The following TDRD7 variants were observed in gnomAD, a reference collection of about 807,000 sequenced individuals.
The protein encoded by TDRD7 is tudor domain containing 7, also known as tudor domain-containing protein 7.
A neutral mutation model predicts 109.8 loss-of-function variants in TDRD7; 47 were observed. The observed-to-expected ratio is 0.43, with a 90% confidence interval of 0.34 to 0.55. The LOEUF is 0.55. TDRD7 is among the 20% of genes least tolerant of loss of function. TDRD7 has a pLI of 0.03. For synonymous variants in TDRD7, 424 were observed against 457.3 expected (o/e 0.93, Z 0.93); for missense variants, 1,164 against 1,319.2 (o/e 0.88, Z 1.82).
chr9:97,492,716 T>G (rs1437223852), intron 16 of TDRD7, among the ~76,000 whole-genome samples: 1 of 152,220 alleles, frequency 6.6e-6, no homozygotes, highest in Non-Finnish European at 1.5e-5. Context: ...TTTTCTAGGC[T>G]CACCTCTGCC....
chr9:97,488,560 G>GTTTTTTTTTTTTTTTTTTTTTTTT (rs61689126), intron 16 of TDRD7, among the ~76,000 whole-genome samples: 5 of 140,576 alleles, frequency 3.6e-5, no homozygotes, highest in Non-Finnish European at 3.1e-5. Flanking sequence ...AGATTTAATG[G>GTTTTTTTTTTTTTTTTTTTTTTTT]TTTTTTTTTT....
intron 9 of TDRD7, 44 bp from the exon 10 acceptor site, chr9:97,472,249 A>G (rs773945141): frequency 1.9e-5 from 30 of 1,544,114 alleles, no homozygotes; most frequent in Non-Finnish European, 2.4e-5. Context: ...TCTTGAAATG[A>G]TTTTTCTAAT....
At chr9:97,430,531 G>A (rs1031002877) in intron 2 of TDRD7, among the ~76,000 whole-genome samples, 3 of 152,136 alleles carry the variant, frequency 2.0e-5, no homozygotes, top group African/African-American at 7.2e-5. Flanking sequence ...CATGTGACTT[G>A]GAAGGTTGCT....
At chr9:97,495,615 G>C (rs1354277045) in intron 16 of TDRD7, 48 bp from the exon 17 acceptor site, 1 of 1,533,154 alleles carries the variant, frequency 6.5e-7, no homozygotes, top group African/African-American at 1.4e-5. Flanking sequence ...TCAAAGAAAA[G>C]CTCCTTTGAC....
At chr9:97,460,977 TA>T (rs1828710854) in intron 7 of TDRD7, among the ~76,000 whole-genome samples, 1 of 152,046 alleles carries the variant, frequency 6.6e-6, no homozygotes, top group East Asian at 1.9e-4. Flanking sequence ...CCGTCTCTAC[TA>T]AAAATACAAA....
intron 1 of TDRD7, among the ~76,000 whole-genome samples, chr9:97,418,370 A>T (rs1356962406): frequency 3.3e-5 from 5 of 152,134 alleles, no homozygotes; most frequent in Non-Finnish European, 5.9e-5. Flanking sequence ...GGATAGAACA[A>T]TTAGGATGGA....
At chr9:97,458,088 T>C (rs535965085) in intron 6 of TDRD7, among the ~76,000 whole-genome samples, 3 of 152,264 alleles carry the variant, frequency 2.0e-5, no homozygotes, top group African/African-American at 4.8e-5. Context: ...GTAACAAACC[T>C]GCACATTCTG....
intron 16 of TDRD7, among the ~76,000 whole-genome samples, chr9:97,490,253 G>T (rs1829279516): frequency 6.6e-6 from 1 of 152,006 alleles, no homozygotes; most frequent in South Asian, 2.1e-4. Context: ...AGGTGTGCTG[G>T]CAACAAATTC....
rs1482870556 is a variant in TDRD7, at chr9:97,431,087, T to C, written c.349+13T>C. ...TTTTTTCTAGAAGGTAGGAGCTTTTTACATGCTAAAATTTTTAGGGCTGTC... is the reference window on the plus strand; with the variant it reads ...TTTTTTCTAGAAGGTAGGAGCTTTTCACATGCTAAAATTTTTAGGGCTGTC... On this transcript the variant is annotated intron_variant, in intron 3 of 16. Coordinates refer to ENST00000355295, the MANE Select transcript of TDRD7 (RefSeq NM_014290.3). The C allele has an allele frequency of 1.5e-5, 24 of 1,613,624 alleles. No individual in the cohort carries two copies. Among genetic ancestry groups the C allele is most frequent in the Non-Finnish European group, 1.7e-5 (20 of 1,179,720 alleles).
intron 1 of TDRD7, among the ~76,000 whole-genome samples, chr9:97,421,922 C>G (rs548012987): frequency 6.6e-6 from 1 of 152,204 alleles, no homozygotes; most frequent in African/African-American, 2.4e-5. Flanking sequence ...AGATTTACTC[C>G]TGTGTATTTT....
intron 4 of TDRD7, among the ~76,000 whole-genome samples, chr9:97,433,174 C>T (rs747644313): frequency 1.6e-4 from 24 of 151,890 alleles, no homozygotes; most frequent in Admixed American, 1.1e-3. Flanking sequence ...ATAATTTCCC[C>T]CCAGGAACTT....
chr9:97,462,183 G>T (rs530244955), intron 7 of TDRD7, among the ~76,000 whole-genome samples: 2 of 152,118 alleles, frequency 1.3e-5, no homozygotes, highest in Non-Finnish European at 2.9e-5. Context: ...AACTTACACG[G>T]CAGGATCCTT....
Position 97,412,608 on chromosome 9 carries a change from G to A in TDRD7, c.-7+370G>A, listed in dbSNP as rs1827736768. On this transcript the variant is annotated intron_variant, in intron 1 of 16. Transcript: ENST00000355295. The surrounding 1 kb of genome is among the most constrained non-coding windows in gnomAD (Gnocchi z 4.3). The stretch of plus-strand genomic sequence containing the variant: ...GGCGGGAGATGCGGACCAGGAAGTG[G>A]TTCCCGCTACCGGCGCGACAGGCCG... Among the ~76,000 whole-genome samples, 1 of 152,178 alleles carries A rather than the reference G, an allele frequency of 6.6e-6. No homozygotes were observed. Among genetic ancestry groups the A allele is most frequent in the Non-Finnish European group, 1.5e-5 (1 of 68,024 alleles).
At chr9:97,451,112 C>A (rs768606584) in intron 6 of TDRD7, among the ~76,000 whole-genome samples, 260 of 152,076 alleles carry the variant, frequency 1.7e-3, no homozygotes, top group Middle Eastern at 3.4e-3. Context: ...AATGATGCCT[C>A]CCTAAAAACC....
chr9:97,423,816 A>G (rs900520920), intron 1 of TDRD7, among the ~76,000 whole-genome samples: 1 of 152,064 alleles, frequency 6.6e-6, no homozygotes, highest in African/African-American at 2.4e-5. Context: ...TTGTTCACAT[A>G]TCTTTGTGTT....
chr9:97,465,356 A>G (rs1469559166), intron 8 of TDRD7, among the ~76,000 whole-genome samples: 3 of 152,226 alleles, frequency 2.0e-5, no homozygotes, highest in Admixed American at 6.5e-5. Flanking sequence ...GCCTCTTATC[A>G]AGGCCAGTAC....
At chr9:97,458,335 G>C (rs777504900) in intron 6 of TDRD7, among the ~76,000 whole-genome samples, 1 of 152,138 alleles carries the variant, frequency 6.6e-6, no homozygotes, top group African/African-American at 2.4e-5. Flanking sequence ...CATTGGCTCC[G>C]AAAGTGTGCG....
At chr9:97,485,310 T>C (rs1449353742) in intron 15 of TDRD7, among the ~76,000 whole-genome samples, 1 of 152,252 alleles carries the variant, frequency 6.6e-6, no homozygotes, top group Non-Finnish European at 1.5e-5. Context: ...CAGAATCTGT[T>C]GTTAACAAAT....
intron 11 of TDRD7, among the ~76,000 whole-genome samples, chr9:97,474,408 AT>A (rs917700660): frequency 6.6e-6 from 1 of 152,112 alleles, no homozygotes; most frequent in Admixed American, 6.5e-5. Flanking sequence ...ATTCAGGTTT[AT>A]ATTTTAGCTA....
Sources: allele counts gnomAD v4.1 joint callset (sites outside exome capture counted in the v4.1 genomes callset), GRCh38; gene constraint gnomAD v4.1.1; non-coding constraint Gnocchi (gnomAD v3.1); transcripts MANE v1.5; gene names NCBI Gene and HGNC (gene_info 2026-07-23, HGNC 2026-07-21).